Variants in FAM149A observed in about 807,000 individuals in gnomAD.
FAM149A encodes the protein protein FAM149A.
In FAM149A, 71 loss-of-function variants were observed where a neutral mutation model predicts 78.2. The observed-to-expected ratio is 0.91, with a 90% confidence interval of 0.75 to 1.11. The LOEUF (loss-of-function observed/expected upper bound fraction) is 1.11. FAM149A is among the 50% of genes least tolerant of loss of function. FAM149A has a pLI of 0.00. For missense variants in FAM149A, 1,036 were observed against 971.0 expected, an observed-to-expected ratio of 1.07 and a Z score of -0.89; for synonymous variants, 446 against 410.5, an observed-to-expected ratio of 1.09 and a Z score of -1.04.
chr4:186,105,471 GC>G lies in FAM149A; in HGVS notation c.399del (p.Gly134AlafsTer70), dbSNP rs2150072688. The G allele has an allele frequency of 1.6e-6, 2 of 1,213,968 alleles. No individual in the cohort carries two copies. The highest frequency in any genetic ancestry group is 3.2e-5 in the Admixed American group (1 of 31,542). 75.2% of individuals were successfully genotyped at this position (1,213,968 alleles called of 1,614,324 possible). A position where few individuals can be genotyped will look rare whatever the true frequency, so the allele number is the denominator to read the frequency against. On this transcript the variant is annotated frameshift_variant, in exon 1 of 14. Coordinates refer to ENST00000389354, the MANE Select transcript of FAM149A (RefSeq NM_001367768.3). LOFTEE classifies it high-confidence loss of function. Reference sequence around the variant, plus strand: ...GTGGTCCCAGCGCGGCCGCCCTCGGGCCCCGGCGGGGTCTGGGCCGCGCTCC... The same window carrying G: ...GTGGTCCCAGCGCGGCCGCCCTCGGGCCCGGCGGGGTCTGGGCCGCGCTCC...
At chr4:186,163,187 A>G (rs1273160253) in intron 9 of FAM149A, among the ~76,000 whole-genome samples, 1 of 152,182 alleles carries the variant, frequency 6.6e-6, no homozygotes, top group Non-Finnish European at 1.5e-5. Context: ...GAAATTCTTA[A>G]TCTTGTGGGC....
chr4:186,163,543 T>C lies in FAM149A; in HGVS notation c.1799T>C (p.Val600Ala), dbSNP rs766805178. 21 of 1,614,028 alleles carry C rather than the reference T, an allele frequency of 1.3e-5. 3 individuals carry two copies. The South Asian group carries it at 2.3e-4, about 18-fold the overall frequency. The change falls in exon 10 of 14, where the codon GTG (valine) becomes GCG (alanine). Residue 600 changes from valine (V) to alanine (A), a missense_variant. Val to Ala is a moderately conservative substitution (Grantham distance 64, BLOSUM62 0). Transcript: ENST00000389354. ...TCACCTTCTGCAAAGAAAACACCAGTGCCCTGGAGGCTGCCTTCTCTTGCT... is the reference window on the plus strand; with the variant it reads ...TCACCTTCTGCAAAGAAAACACCAGCGCCCTGGAGGCTGCCTTCTCTTGCT...
intron 13 of FAM149A, chr4:186,169,428 G>A: frequency 1.0e-6 from 1 of 985,368 alleles, no homozygotes; most frequent in Non-Finnish European, 1.2e-6. Context: ...AGGCACATGT[G>A]GCCTCACACA....
intron 1 of FAM149A, chr4:186,127,140 G>A (rs895507383): frequency 8.1e-6 from 8 of 984,986 alleles, no homozygotes; most frequent in Admixed American, 6.2e-5. Context: ...CTGACTGCAC[G>A]GGCCAACAGG....
At chr4:186,146,456 G>T in intron 1 of FAM149A, 1 of 985,370 alleles carries the variant, frequency 1.0e-6, no homozygotes, top group Non-Finnish European at 1.2e-6. Context: ...AAAGGATGTG[G>T]TGTGATGTGA....
intron 1 of FAM149A, among the ~76,000 whole-genome samples, chr4:186,113,076 C>T (rs890631193): frequency 7.3e-6 from 1 of 137,236 alleles, no homozygotes; most frequent in African/African-American, 2.7e-5. Context: ...AATTTCAGCT[C>T]CTTTTATTGG....
At chr4:186,160,677 C>A in intron 8 of FAM149A, 2 of 461,994 alleles carry the variant, frequency 4.3e-6, no homozygotes, top group Non-Finnish European at 5.7e-6. Flanking sequence ...CACATACACA[C>A]ACACCTTCAC....
At chr4:186,157,082 T>G (rs1333351796) in intron 7 of FAM149A, among the ~76,000 whole-genome samples, 1 of 152,234 alleles carries the variant, frequency 6.6e-6, no homozygotes, top group Non-Finnish European at 1.5e-5. Context: ...AATGAGATAT[T>G]TGTTTTTCAT....
At chr4:186,157,126 A>G (rs1341000335) in intron 7 of FAM149A, among the ~76,000 whole-genome samples, 1 of 150,204 alleles carries the variant, frequency 6.7e-6, no homozygotes, top group Non-Finnish European at 1.5e-5. Flanking sequence ...TAAAATGTAA[A>G]CATTGCTAAT....
At chr4:186,152,577 C>T (rs1733678581) in intron 4 of FAM149A, among the ~76,000 whole-genome samples, 1 of 111,038 alleles carries the variant, frequency 9.0e-6, no homozygotes, top group Non-Finnish European at 1.7e-5. Flanking sequence ...TGGAGTCTTG[C>T]TCTGTCGCCC....
At chr4:186,145,157 A>G (rs2126434546) in intron 1 of FAM149A, 1 of 985,208 alleles carries the variant, frequency 1.0e-6, no homozygotes, top group South Asian at 4.7e-5. Flanking sequence ...GCCGCTCTGC[A>G]GGCGATGTGC....
chr4:186,170,648 C>G (rs879398224), intron 13 of FAM149A, among the ~76,000 whole-genome samples: 3 of 152,194 alleles, frequency 2.0e-5, no homozygotes. Flanking sequence ...GGGCCCCCGA[C>G]AGGCAGGTGG....
intron 5 of FAM149A, among the ~76,000 whole-genome samples, chr4:186,154,102 C>G (rs1561407777): frequency 6.6e-6 from 1 of 152,174 alleles, no homozygotes; most frequent in South Asian, 2.1e-4. Flanking sequence ...TTATAAGCCT[C>G]CAGGCGGTGG....
intron 1 of FAM149A, among the ~76,000 whole-genome samples, chr4:186,106,951 C>CA (rs1018787305): frequency 1.3e-5 from 2 of 151,786 alleles, no homozygotes; most frequent in South Asian, 2.1e-4. Context: ...GACTCCGTCT[C>CA]AAAAAAACAA....
intron 9 of FAM149A, 142 bp downstream of exon 9, chr4:186,163,090 G>A: frequency 1.6e-6 from 1 of 640,122 alleles, no homozygotes; most frequent in Admixed American, 2.9e-5. Context: ...GTCTGGAAGA[G>A]CAGAAACAGA....
chr4:186,117,817 G>T, intron 1 of FAM149A: 1 of 846,188 alleles, frequency 1.2e-6, no homozygotes, highest in Non-Finnish European at 1.4e-6. Context: ...CGCCTGAGAG[G>T]TATGGAGCCT....
Position 186,116,399 on chromosome 4 carries a change from T to A in FAM149A, c.566+10757T>A, listed in dbSNP as rs34457547. The stretch of plus-strand genomic sequence containing the variant: ...GCTGTAGACCGGAGCTGTTCCTATT[T>A]GGCCATCTTGGCTCCTCCCTCATGA... On this transcript the variant is annotated intron_variant, in intron 1 of 13. Transcript: ENST00000389354. 16 of 928,784 alleles carry A rather than the reference T, an allele frequency of 1.7e-5. No individual in the cohort carries two copies. The South Asian group carries it at 4.0e-4, about 23-fold the overall frequency. The allele number at this position is 928,784 out of a possible 1,614,324, so 57.5% of individuals were successfully genotyped here.
At position 186,152,034 on chromosome 4, in the gene FAM149A, C is replaced by T; in HGVS notation, c.921C>T (p.Ser307=). The change falls in exon 4 of 14, where the codon TCC becomes TCT. Residue 307 remains serine, a synonymous_variant. Coordinates refer to ENST00000389354, the MANE Select transcript of FAM149A (RefSeq NM_001367768.3). ...AATGCGGGGAGTGGACAAGAAGATC[C>T]CTCCATTTGAGGTGGGACCTTGGTG... 1.2e-6 allele frequency: 2 copies of T among 1,613,764 alleles called. No homozygotes were observed. The highest frequency in any genetic ancestry group is 1.1e-5 in the South Asian group (1 of 91,050).
In FAM149A at chr4:186,154,557, C is replaced by G; in HGVS notation, c.1148C>G (p.Thr383Arg). The change falls in exon 6 of 14, where the codon ACG (threonine) becomes AGG (arginine). Residue 383 changes from threonine (T) to arginine (R), a missense_variant. Coordinates refer to ENST00000389354, the MANE Select transcript of FAM149A (RefSeq NM_001367768.3). Reference sequence around the variant, plus strand: ...GATGACACAGGGGTTGCTGACCTAACGGCACGTTCATCCCTGGAAGAAGAG... The same window carrying G: ...GATGACACAGGGGTTGCTGACCTAAGGGCACGTTCATCCCTGGAAGAAGAG... 6.2e-7 allele frequency: 1 copy of G among 1,614,090 alleles called. No homozygotes were observed. The highest frequency in any genetic ancestry group is 8.5e-7 in the Non-Finnish European group (1 of 1,180,004).
Sources: allele counts gnomAD v4.1 joint callset (sites outside exome capture counted in the v4.1 genomes callset), GRCh38; gene constraint gnomAD v4.1.1; transcripts MANE v1.5; gene names NCBI Gene and HGNC (gene_info 2026-07-23, HGNC 2026-07-21).